The following UBR4 variants were observed in gnomAD, a reference collection of about 807,000 sequenced individuals.
UBR4 encodes ubiquitin protein ligase E3 component n-recognin 4, also known as E3 ubiquitin-protein ligase UBR4.
UBR4 carries 124 observed loss-of-function variants against 575.6 expected under a neutral mutation model. The ratio of observed to expected loss-of-function variants is 0.22; its 90% CI spans 0.19 to 0.25. The LOEUF is 0.25. Among genes scored for constraint, UBR4 ranks in the 10% least tolerant of loss-of-function variants. UBR4 has a pLI of 1.00. For synonymous variants in UBR4, 2,455 were observed against 2,473.7 expected (o/e 0.99, Z 0.22); for missense variants, 4,818 against 6,478.8 (o/e 0.74, Z 8.80).
chr1:19,175,019 G>C lies in UBR4; in HGVS notation c.2788C>G (p.Pro930Ala), dbSNP rs771939850. 6.2e-7 allele frequency: 1 copy of C among 1,613,706 alleles called. No homozygotes were observed. Among genetic ancestry groups the C allele is most frequent in the Non-Finnish European group, 8.5e-7 (1 of 1,179,828 alleles). Reference sequence around the variant, plus strand: ...GGGGACAGGACACAGTAGAATCTGGGGTGTGGGACAGCATCTGAAAAGTAA... The same window carrying C: ...GGGGACAGGACACAGTAGAATCTGGCGTGTGGGACAGCATCTGAAAAGTAA... ...KHFSSDAVPH[P>A]RFYCVLSPEA... Residue 930 changes from proline to alanine, a missense_variant, in exon 21 of 106, where the codon CCC becomes GCC. Pro to Ala is a conservative substitution (Grantham distance 27, BLOSUM62 -1). Around this residue, in one of 29 missense-constraint regions of UBR4, gnomAD observed 1,172 missense variants for 1,259.7 expected, o/e 0.93. Coordinates refer to ENST00000375254, the MANE Select transcript of UBR4 (RefSeq NM_020765.3).
In UBR4 at chr1:19,104,697, A is replaced by G. The variant is rs752489896; in HGVS notation, c.12646-31T>C. The G allele has an allele frequency of 2.2e-5, 35 of 1,607,266 alleles. No homozygotes were observed. The African/African-American group carries it at 3.5e-4, about 16-fold the overall frequency. ...CAGGATGACAAGTGCAGTCAGTGTG[A>G]TATCACTGCCAAGGATACCAGTTAC... On this transcript the variant is annotated intron_variant, in intron 85 of 105. Coordinates refer to ENST00000375254, the MANE Select transcript of UBR4 (RefSeq NM_020765.3).
intron 90 of UBR4, among the ~76,000 whole-genome samples, chr1:19,098,151 AG>A (rs1237129946): frequency 6.6e-6 from 1 of 152,250 alleles, no homozygotes; most frequent in Non-Finnish European, 1.5e-5. Flanking sequence ...GACACCCTGG[AG>A]GAAGACAACC....
chr1:19,165,488 C>A, intron 30 of UBR4, 139 bp from the exon 31 acceptor site: 1 of 1,037,748 alleles, frequency 9.6e-7, no homozygotes, highest in Non-Finnish European at 1.4e-6. Context: ...ATGAAATTAA[C>A]CCCCTCACCA....
chr1:19,103,433 G>T (rs1158608493), intron 87 of UBR4, among the ~76,000 whole-genome samples: 1 of 152,116 alleles, frequency 6.6e-6, no homozygotes, highest in African/African-American at 2.4e-5. Flanking sequence ...GCGTGGTGGT[G>T]CATGCCTGTA....
At chr1:19,177,367 T>A in intron 19 of UBR4, 94 bp downstream of exon 19, 2 of 1,496,860 alleles carry the variant, frequency 1.3e-6, no homozygotes, top group Non-Finnish European at 1.8e-6. Flanking sequence ...AAACCTAAAG[T>A]GGGTAGGTCA....
chr1:19,183,737 C>A, intron 17 of UBR4, 74 bp downstream of exon 17: 1 of 1,475,644 alleles, frequency 6.8e-7, no homozygotes, highest in Non-Finnish European at 9.4e-7. Flanking sequence ...AACAAACAAA[C>A]AAACAATTGG....
At chr1:19,143,326 A>T (rs537751841) in intron 55 of UBR4, among the ~76,000 whole-genome samples, 1 of 149,566 alleles carries the variant, frequency 6.7e-6, no homozygotes, top group African/African-American at 2.5e-5. Context: ...AAGAAAATTT[A>T]AAAGTACATA....
chr1:19,089,005 T>C lies in UBR4; in HGVS notation c.14212-28A>G. Reference sequence around the variant, plus strand: ...GCCAGTAAGAGACCAGAGAGACACATGCCTCCAATTATGTAGACAAACCTT... The same window carrying C: ...GCCAGTAAGAGACCAGAGAGACACACGCCTCCAATTATGTAGACAAACCTT... On this transcript the variant is annotated intron_variant, in intron 97 of 105. Transcript: ENST00000375254. This position sits in a 1 kb window ranked among gnomAD's most constrained non-coding sequence, Gnocchi z 4.3. The C allele has an allele frequency of 1.2e-6, 2 of 1,608,320 alleles. No homozygotes were observed. The highest frequency in any genetic ancestry group is 1.1e-5 in the South Asian group (1 of 90,762).
intron 104 of UBR4, chr1:19,077,720 C>T: frequency 1.4e-6 from 2 of 1,386,120 alleles, no homozygotes; most frequent in South Asian, 2.4e-5. Flanking sequence ...GCAACAAGAA[C>T]AAAACTCCGT....
At chr1:19,129,397 C>T (rs1208254470) in intron 60 of UBR4, among the ~76,000 whole-genome samples, 1 of 152,156 alleles carries the variant, frequency 6.6e-6, no homozygotes, top group Admixed American at 6.5e-5. Context: ...GTTTCAAAAC[C>T]AAACCTCCAA....
intron 57 of UBR4, 36 bp from the exon 58 acceptor site, chr1:19,140,928 T>C: frequency 1.3e-6 from 2 of 1,569,726 alleles, no homozygotes; most frequent in Non-Finnish European, 1.7e-6. Context: ...CAACATCCCC[T>C]CCAGGTCCCA....
rs2087556146 is a variant in UBR4, at chr1:19,162,567, C to T, written c.4809G>A (p.Leu1603=). The T allele has an allele frequency of 1.2e-6, 2 of 1,613,926 alleles. No individual in the cohort carries two copies. Among genetic ancestry groups the T allele is most frequent in the African/African-American group, 1.3e-5 (1 of 74,910 alleles). Residue 1603 remains leucine (L), a synonymous_variant, in exon 35 of 106, where the codon TTG becomes TTA. Transcript: ENST00000375254. ...GGCTCAGGGCATTCGTGACATCAGC[C>T]AAGTAAGACATGATATGGCATGTGC... ...LECTCHIMSY[L]ADVTNALSQS... is the part of the protein sequence containing the mutation.
chr1:19,145,385 A>G (rs1271432232), intron 53 of UBR4, among the ~76,000 whole-genome samples: 1 of 152,194 alleles, frequency 6.6e-6, no homozygotes, highest in Non-Finnish European at 1.5e-5. Flanking sequence ...TGAATTTTCA[A>G]TAGTGTAAGA....
chr1:19,198,339 G>A (rs139354595), intron 5 of UBR4, among the ~76,000 whole-genome samples: 8 of 152,296 alleles, frequency 5.3e-5, no homozygotes, highest in African/African-American at 9.6e-5. Context: ...TAGAATGGTC[G>A]TCAAAACAGT....
At position 19,173,626 on chromosome 1, in the gene UBR4, A is replaced by T; in HGVS notation, c.2983-5T>A. 3 of 1,613,908 alleles carry T rather than the reference A, an allele frequency of 1.9e-6. No individual in the cohort carries two copies. The highest frequency in any genetic ancestry group is 2.5e-6 in the Non-Finnish European group (3 of 1,179,884). On this transcript the variant is annotated splice_polypyrimidine_tract_variant and splice_region_variant and intron_variant, in intron 22 of 105. Transcript: ENST00000375254. The stretch of plus-strand genomic sequence containing the variant: ...ATATTGAAGGGCACAGGCCTCCTGG[A>T]GAAAGGAAAAGCAGCATAGAGGTAG...
At chr1:19,123,908 A>T (rs982098721) in intron 65 of UBR4, among the ~76,000 whole-genome samples, 1 of 152,206 alleles carries the variant, frequency 6.6e-6, no homozygotes, top group African/African-American at 2.4e-5. Context: ...CTGAGGCCAG[A>T]ATTATGCCAA....
At chr1:19,091,545 G>A (rs2077511409) in intron 97 of UBR4, among the ~76,000 whole-genome samples, 1 of 152,204 alleles carries the variant, frequency 6.6e-6, no homozygotes, top group Admixed American at 6.5e-5. Context: ...ACATTTCACT[G>A]AAGATACACA....
chr1:19,128,657 G>C (rs1478257373), intron 61 of UBR4, among the ~76,000 whole-genome samples: 1 of 152,224 alleles, frequency 6.6e-6, no homozygotes, highest in Non-Finnish European at 1.5e-5. Context: ...GAGGAAGACA[G>C]CTAGTGAGTG....
In UBR4 at chr1:19,155,598, T is replaced by C; in HGVS notation, c.6143A>G (p.Asp2048Gly). ...YFLLPSSKIR[D>G]VTFLFNEEGK... ...CTCCTCATTGAAAAGGAAGGTAACA[T>C]CTCTTATCTTTGAGCTTGGCAGGAG... The change falls in exon 43 of 106, where the codon GAT (aspartate) becomes GGT (glycine). Residue 2048 changes from aspartate to glycine, a missense_variant. Around this residue, in one of 29 missense-constraint regions of UBR4, gnomAD observed 461 missense variants for 606.9 expected, o/e 0.76. Transcript: ENST00000375254. 2 of 1,614,120 alleles carry C rather than the reference T, an allele frequency of 1.2e-6. No individual in the cohort carries two copies. The highest frequency in any genetic ancestry group is 1.7e-6 in the Non-Finnish European group (2 of 1,180,004).
Sources: allele counts gnomAD v4.1 joint callset (sites outside exome capture counted in the v4.1 genomes callset), GRCh38; gene constraint gnomAD v4.1.1; regional missense constraint gnomAD v4.1.1; non-coding constraint Gnocchi (gnomAD v3.1); transcripts MANE v1.5; gene names NCBI Gene and HGNC (gene_info 2026-07-23, HGNC 2026-07-21).